APBB1IP: variants seen among roughly 807,000 people sequenced by gnomAD.
APBB1IP encodes the protein amyloid beta A4 precursor protein-binding family B member 1-interacting protein.
In APBB1IP, 27 loss-of-function variants were observed where a neutral mutation model predicts 64.9. The observed-to-expected ratio is 0.42, with a 90% CI of 0.31 to 0.57. The LOEUF is 0.57. Among genes scored for constraint, APBB1IP ranks in the 20% least tolerant of loss-of-function variants. The pLI is 0.20. For synonymous variants in APBB1IP, 392 were observed against 331.0 expected (o/e 1.18, Z -2.00); for missense variants, 812 against 845.5 (o/e 0.96, Z 0.49).
chr10:26,533,713 T>G (rs960228220), intron 9 of APBB1IP, among the ~76,000 whole-genome samples, 188 bp downstream of exon 9: 1 of 152,222 alleles, frequency 6.6e-6, no homozygotes, highest in African/African-American at 2.4e-5. Flanking sequence ...TTTGAGTCAT[T>G]TGTTACAACA....
chr10:26,444,521 G>A (rs911691381), intron 2 of APBB1IP, among the ~76,000 whole-genome samples: 2 of 152,192 alleles, frequency 1.3e-5, no homozygotes, highest in South Asian at 2.1e-4. Flanking sequence ...GGAATGTGGG[G>A]TGTTTGAGAA....
At position 26,528,883 on chromosome 10, in the gene APBB1IP, A is replaced by ACCATGAT. The variant is rs1458262864; in HGVS notation, c.814-4554_814-4548dup. Among the ~76,000 whole-genome samples, 18 of 152,112 alleles carry ACCATGAT rather than the reference A, an allele frequency of 1.2e-4. 1 individual carries two copies. The highest frequency in any genetic ancestry group is 3.9e-4 in the Admixed American group (6 of 15,270). On this transcript the variant is annotated intron_variant, in intron 8 of 14. Transcript: ENST00000376236. ...ACCTGGGAGGCGGAGGTTGCAGTGAACCATGATCACGCCACTGCACTCCAG... is the reference window on the plus strand; with the variant it reads ...ACCTGGGAGGCGGAGGTTGCAGTGAACCATGATCCATGATCACGCCACTGCACTCCAG...
At chr10:26,562,078 T>C (rs369880224) in intron 13 of APBB1IP, 11 of 400,800 alleles carry the variant, frequency 2.7e-5, no homozygotes, top group Admixed American at 1.1e-4. Flanking sequence ...ACCTTCCTGA[T>C]CTTTTTGCTG....
At chr10:26,560,913 A>G (rs988249536) in intron 13 of APBB1IP, 69 bp downstream of exon 13, 1 of 1,200,210 alleles carries the variant, frequency 8.3e-7, no homozygotes, top group Non-Finnish European at 1.2e-6. Flanking sequence ...TGTATCCAAT[A>G]CATCTATACA....
At chr10:26,455,671 T>C (rs1050723369) in intron 2 of APBB1IP, among the ~76,000 whole-genome samples, 1 of 150,592 alleles carries the variant, frequency 6.6e-6, no homozygotes, top group Non-Finnish European at 1.5e-5. Context: ...GATTCAGCTG[T>C]TTAGAGTTTT....
chr10:26,480,332 G>T (rs925195163), intron 2 of APBB1IP, among the ~76,000 whole-genome samples: 2 of 152,146 alleles, frequency 1.3e-5, no homozygotes, highest in Admixed American at 6.6e-5. Context: ...TGCTGCTGGG[G>T]TGCCAGAGGA....
intron 2 of APBB1IP, among the ~76,000 whole-genome samples, chr10:26,456,473 G>C (rs1292934375): frequency 2.0e-5 from 3 of 152,124 alleles, no homozygotes; most frequent in Non-Finnish European, 4.4e-5. Flanking sequence ...ACCTTATGGA[G>C]TTTATATTAA....
intron 2 of APBB1IP, among the ~76,000 whole-genome samples, chr10:26,465,063 C>T (rs146383858): frequency 4.3e-4 from 66 of 152,278 alleles, no homozygotes; most frequent in African/African-American, 1.4e-3. Context: ...TGTGCTTTCT[C>T]GCACAGCTGT....
chr10:26,495,229 A>G (rs1299649669), intron 3 of APBB1IP, among the ~76,000 whole-genome samples: 2 of 151,582 alleles, frequency 1.3e-5, no homozygotes, highest in African/African-American at 2.4e-5. Context: ...CATGGTCTCT[A>G]TCTCCTGATG....
intron 13 of APBB1IP, among the ~76,000 whole-genome samples, chr10:26,561,387 G>GGT (rs1836970741): frequency 8.6e-6 from 1 of 116,862 alleles, no homozygotes; most frequent in Non-Finnish European, 1.9e-5. Flanking sequence ...TTTCTTCTTT[G>GGT]CTTTTTTTTT....
intron 2 of APBB1IP, among the ~76,000 whole-genome samples, chr10:26,476,989 CG>C (rs1588577176): frequency 6.6e-6 from 1 of 151,952 alleles, no homozygotes; most frequent in Non-Finnish European, 1.5e-5. Context: ...TTAGTAGAGG[CG>C]GGGTTTCACC....
intron 3 of APBB1IP, among the ~76,000 whole-genome samples, chr10:26,492,855 T>A (rs1835973845): frequency 6.6e-6 from 1 of 152,180 alleles, no homozygotes; most frequent in South Asian, 2.1e-4. Context: ...GCATTGTCAT[T>A]GGTAAACATC....
At position 26,567,199 on chromosome 10, in the gene APBB1IP, CG is replaced by C; in HGVS notation, c.1713del (p.Pro573ArgfsTer83). The C allele has an allele frequency of 7.2e-7, 1 of 1,393,172 alleles. No homozygotes were observed. Among genetic ancestry groups the C allele is most frequent in the South Asian group, 1.5e-5 (1 of 68,726 alleles). 86.3% of individuals were successfully genotyped at this position (1,393,172 alleles called of 1,614,324 possible). On this transcript the variant is annotated frameshift_variant, in exon 15 of 15. Transcript: ENST00000376236. LOFTEE classifies it low-confidence loss of function (END_TRUNC). ...CTCGATGACCCTGAGCTCCCGCCGCCGCCCCCGGACTTCATGGAGCCGCCCC... is the reference window on the plus strand; with the variant it reads ...CTCGATGACCCTGAGCTCCCGCCGCCCCCCCGGACTTCATGGAGCCGCCCC... ...PPLDDPELPP[P>X]PPDFMEPPPD...
intron 11 of APBB1IP, among the ~76,000 whole-genome samples, chr10:26,550,584 C>G (rs984071805): frequency 6.6e-6 from 1 of 151,924 alleles, no homozygotes; most frequent in African/African-American, 2.4e-5. Flanking sequence ...CTTTTCAGCT[C>G]TAGGATTTGT....
intron 10 of APBB1IP, among the ~76,000 whole-genome samples, chr10:26,539,875 C>A (rs556901457): frequency 4.4e-4 from 67 of 152,112 alleles, no homozygotes; most frequent in Non-Finnish European, 8.5e-4. Flanking sequence ...CATTACTGAT[C>A]AGGGAAATGA....
chr10:26,559,710 C>T (rs1336320348), intron 11 of APBB1IP, among the ~76,000 whole-genome samples: 1 of 151,554 alleles, frequency 6.6e-6, no homozygotes. Context: ...CAACCTCCAC[C>T]TCCCAGGTTC....
chr10:26,441,570 T>A (rs1564345239), intron 2 of APBB1IP, among the ~76,000 whole-genome samples: 2 of 152,126 alleles, frequency 1.3e-5, no homozygotes, highest in Non-Finnish European at 2.9e-5. Context: ...GCTGGCTAAA[T>A]GTGCAGAATA....
chr10:26,445,246 T>A (rs946175468), intron 2 of APBB1IP, among the ~76,000 whole-genome samples: 2 of 152,048 alleles, frequency 1.3e-5, no homozygotes, highest in African/African-American at 4.8e-5. Context: ...AATTAAACTT[T>A]CAAAACTTTG....
intron 2 of APBB1IP, among the ~76,000 whole-genome samples, chr10:26,439,500 G>A (rs1182706324): frequency 6.6e-6 from 1 of 152,206 alleles, no homozygotes. Flanking sequence ...TATCCAGAGG[G>A]CCTTTTACAG....
Sources: allele counts gnomAD v4.1 joint callset (sites outside exome capture counted in the v4.1 genomes callset), GRCh38; gene constraint gnomAD v4.1.1; transcripts MANE v1.5; gene names NCBI Gene and HGNC (gene_info 2026-07-23, HGNC 2026-07-21).